ADD3: variants seen among roughly 807,000 people sequenced by gnomAD.
ADD3 encodes adducin 3.
Under a neutral mutation model 80.2 loss-of-function variants are expected in ADD3, and 25 were observed. That is an observed-to-expected ratio of 0.31 (90% CI 0.23 to 0.44). The LOEUF (loss-of-function observed/expected upper bound fraction) is 0.44, where lower values mean the gene tolerates loss of function less well. ADD3 is among the 20% of genes least tolerant of loss of function. The probability of loss-of-function intolerance (pLI) is 1.00; values close to 1 mark genes in which losing one functional copy is unlikely to be tolerated. For missense variants in ADD3, 829 were observed against 847.5 expected (o/e 0.98, Z 0.27); for synonymous variants, 284 against 289.6 (o/e 0.98, Z 0.20).
chr10:110,099,240 TAA>T (rs879303349), intron 1 of ADD3, among the ~76,000 whole-genome samples: 1 of 143,982 alleles, frequency 6.9e-6, no homozygotes, highest in Non-Finnish European at 1.5e-5. Context: ...AAACTCTATT[TAA>T]AAAAAAAAAA....
chr10:110,118,841 A>T (rs1323647898), intron 6 of ADD3, 105 bp downstream of exon 6: 15 of 1,207,506 alleles, frequency 1.2e-5, no homozygotes, highest in Non-Finnish European at 1.5e-5. Context: ...ATCATATTTG[A>T]TACAATAATC....
intron 1 of ADD3, among the ~76,000 whole-genome samples, chr10:110,072,588 G>T (rs1359300735): frequency 6.6e-6 from 1 of 152,144 alleles, no homozygotes; most frequent in Non-Finnish European, 1.5e-5. Flanking sequence ...CTTTGCAGGA[G>T]AGGCTAAACC....
At chr10:110,001,469 C>T (rs965886931), upstream of ADD3, among the ~76,000 whole-genome samples, 1 of 151,432 alleles carries the variant, frequency 6.6e-6, no homozygotes, top group African/African-American at 2.4e-5. Flanking sequence ...ATTTTGCACA[C>T]ATTTATGCAG....
At chr10:110,057,179 G>T (rs1212348704) in intron 1 of ADD3, among the ~76,000 whole-genome samples, 1 of 152,068 alleles carries the variant, frequency 6.6e-6, no homozygotes, top group Non-Finnish European at 1.5e-5. Context: ...TTCTCTACCC[G>T]ACTCTGCACT....
At chr10:110,014,578 TGCAATGGC>T (rs1370353002) in intron 1 of ADD3, among the ~76,000 whole-genome samples, 8 of 152,148 alleles carry the variant, frequency 5.3e-5, no homozygotes, top group Admixed American at 5.2e-4. Flanking sequence ...CAGGCTGGAG[TGCAATGGC>T]GCAATTCTCA....
chr10:110,081,312 A>C (rs574469153), intron 1 of ADD3, among the ~76,000 whole-genome samples: 2 of 152,288 alleles, frequency 1.3e-5, no homozygotes, highest in South Asian at 4.1e-4. Context: ...GCAGCCAAGC[A>C]CTGAGTTAAA....
At chr10:110,087,776 C>T (rs1846978872) in intron 1 of ADD3, among the ~76,000 whole-genome samples, 1 of 152,140 alleles carries the variant, frequency 6.6e-6, no homozygotes, top group African/African-American at 2.4e-5. Flanking sequence ...GATGGAAATT[C>T]CTTTGGAACA....
At chr10:110,004,475 TA>T (rs2132868427), upstream of ADD3, among the ~76,000 whole-genome samples, 1 of 152,140 alleles carries the variant, frequency 6.6e-6, no homozygotes, top group African/African-American at 2.4e-5. Flanking sequence ...GTGAGTCGAC[TA>T]ATTTTTGTAT....
Position 110,134,574 on chromosome 10 carries a change from TAAAGA to T in ADD3, c.*961_*965del, listed in dbSNP as rs1853458236. The T allele has an allele frequency of 2.6e-5, 4 of 152,468 alleles. No homozygotes were observed. The South Asian group carries it at 6.2e-4, about 24-fold the overall frequency. The allele number at this position is 152,468 out of a possible 1,614,324, so 9.4% of individuals were successfully genotyped here. On this transcript the variant is annotated 3_prime_UTR_variant, in exon 15 of 15. Transcript: ENST00000356080. Reference sequence around the variant, plus strand: ...TTTTTCTCTTAGTATTGCTAATGAGTAAAGAAAAGTCTCATAAGGTAGCCAAATGA... The same window carrying T: ...TTTTTCTCTTAGTATTGCTAATGAGTAAAGTCTCATAAGGTAGCCAAATGA...
At chr10:110,094,026 C>T (rs1452113722) in intron 1 of ADD3, among the ~76,000 whole-genome samples, 2 of 152,140 alleles carry the variant, frequency 1.3e-5, no homozygotes, top group African/African-American at 2.4e-5. Context: ...GTACTTAAAA[C>T]TTGTCCCTTT....
intron 1 of ADD3, among the ~76,000 whole-genome samples, chr10:110,091,638 A>G (rs1483355243): frequency 6.6e-6 from 1 of 152,204 alleles, no homozygotes; most frequent in Non-Finnish European, 1.5e-5. Context: ...ATTCAACTCA[A>G]GATGGATCAA....
chr10:110,071,966 CT>C (rs1844774128), intron 1 of ADD3, among the ~76,000 whole-genome samples: 1 of 152,218 alleles, frequency 6.6e-6, no homozygotes, highest in African/African-American at 2.4e-5. Context: ...TTCTATAATT[CT>C]TCCTTTTTAA....
intron 12 of ADD3, 34 bp from the exon 13 acceptor site, chr10:110,130,329 G>T: frequency 1.2e-6 from 2 of 1,605,398 alleles, no homozygotes; most frequent in South Asian, 1.1e-5. Flanking sequence ...TAAAACTCTT[G>T]GTAATGAATC....
upstream of ADD3, among the ~76,000 whole-genome samples, chr10:110,002,772 T>C (rs757127362): frequency 7.9e-5 from 12 of 152,242 alleles, no homozygotes; most frequent in Non-Finnish European, 1.6e-4. Flanking sequence ...TGATATTTCA[T>C]TAAAGTTTCA....
chr10:110,041,991 G>A (rs1039014483), intron 1 of ADD3, among the ~76,000 whole-genome samples: 6 of 152,116 alleles, frequency 3.9e-5, no homozygotes, highest in South Asian at 2.1e-4. Flanking sequence ...AGTTGGTAGC[G>A]TCTCTTGGGA....
At chr10:110,089,501 A>G (rs958095404) in intron 1 of ADD3, among the ~76,000 whole-genome samples, 3 of 152,204 alleles carry the variant, frequency 2.0e-5, no homozygotes, top group African/African-American at 4.8e-5. Flanking sequence ...TTGTTTCTCA[A>G]CCATTTTCCA....
chr10:110,112,536 A>T (rs766328471), intron 2 of ADD3, among the ~76,000 whole-genome samples: 8 of 151,750 alleles, frequency 5.3e-5, no homozygotes, highest in Non-Finnish European at 1.0e-4. Context: ...TAGTGTAGAT[A>T]TTATAATATC....
At chr10:110,120,157 C>G (rs1406167728) in intron 8 of ADD3, among the ~76,000 whole-genome samples, 1 of 150,372 alleles carries the variant, frequency 6.7e-6, no homozygotes, top group East Asian at 1.9e-4. Flanking sequence ...ATGTGCCATG[C>G]TGGTGCGCTG....
intron 5 of ADD3, among the ~76,000 whole-genome samples, chr10:110,118,064 A>ACACG (rs1565013918): frequency 7.4e-6 from 1 of 136,022 alleles, no homozygotes. Context: ...ACACACACAC[A>ACACG]CACACACACA....
Sources: gnomAD v4.1 joint callset for allele counts (sites outside exome capture counted in the v4.1 genomes callset) on GRCh38, gnomAD v4.1.1 for gene constraint, MANE v1.5 for transcripts, NCBI Gene and HGNC (gene_info 2026-07-23, HGNC 2026-07-21) for gene names.